DSTN: variants seen among roughly 807,000 people sequenced by gnomAD.
DSTN encodes destrin, actin depolymerizing factor, also known as destrin.
A neutral mutation model predicts 16.8 loss-of-function variants in DSTN; 10 were observed. The observed-to-expected ratio is 0.60, with a 90% CI of 0.37 to 1.01. DSTN has a LOEUF of 1.01. DSTN is among the 50% of genes least tolerant of loss of function. DSTN has a pLI of 0.01. For synonymous variants in DSTN, 57 were observed against 58.9 expected (o/e 0.97, Z 0.14); for missense variants, 141 against 196.7 (o/e 0.72, Z 1.69).
In DSTN at chr20:17,608,487, G is replaced by C. The variant is rs536751633; in HGVS notation, c.*1341G>C. On this transcript the variant is annotated 3_prime_UTR_variant, in exon 4 of 4. Transcript: ENST00000246069. ...CTACTAAAAATAAACAAAATTAGCC[G>C]GGTGTGGTGGTGCACGTCAGTAGTC... 1 of 151,948 alleles carries C rather than the reference G, an allele frequency of 6.6e-6. No homozygotes were observed. The highest frequency in any genetic ancestry group is 1.5e-5 in the Non-Finnish European group (1 of 68,008). The allele number at this position is 151,948 out of a possible 1,614,324, so 9.4% of individuals were successfully genotyped here.
chr20:17,585,428 A>G (rs1337764884), intron 1 of DSTN, among the ~76,000 whole-genome samples: 19 of 152,234 alleles, frequency 1.2e-4, no homozygotes, highest in Admixed American at 1.2e-3. Context: ...TTAACCATCC[A>G]GAGAGAACTA....
rs1466997257 is a variant in DSTN, at chr20:17,609,339, G to A, written c.*2193G>A. On this transcript the variant is annotated 3_prime_UTR_variant, in exon 4 of 4. Coordinates refer to ENST00000246069, the MANE Select transcript of DSTN (RefSeq NM_006870.4). The stretch of plus-strand genomic sequence containing the variant: ...CTGCCTTGGCCTCCTAAAGTGCTGT[G>A]ATTACAGGTGTGAGCCACTGTGTCC... 2 of 152,240 alleles carry A rather than the reference G, an allele frequency of 1.3e-5. No homozygotes were observed. Among genetic ancestry groups the A allele is most frequent in the Non-Finnish European group, 2.9e-5 (2 of 68,114 alleles). 9.4% of individuals were successfully genotyped at this position (152,240 alleles called of 1,614,324 possible). A position where few individuals can be genotyped will look rare whatever the true frequency, so the allele number is the denominator to read the frequency against.
chr20:17,573,837 G>A (rs1195219910), intron 1 of DSTN, among the ~76,000 whole-genome samples: 1 of 150,062 alleles, frequency 6.7e-6, no homozygotes, highest in African/African-American at 2.5e-5. Context: ...TGGCCATTCT[G>A]TAAATACTTA....
chr20:17,594,861 C>G (rs939242855), intron 1 of DSTN, among the ~76,000 whole-genome samples: 2 of 152,050 alleles, frequency 1.3e-5, no homozygotes, highest in Admixed American at 6.6e-5. Flanking sequence ...CCTTATGTGA[C>G]TAGGAGGGTG....
chr20:17,602,012 T>G (rs1393149590), intron 2 of DSTN, among the ~76,000 whole-genome samples: 1 of 151,982 alleles, frequency 6.6e-6, no homozygotes, highest in Non-Finnish European at 1.5e-5. Context: ...AGGGAGGGAC[T>G]TAGCTTTTAG....
At chr20:17,580,702 C>G (rs190285283) in intron 1 of DSTN, among the ~76,000 whole-genome samples, 1 of 151,106 alleles carries the variant, frequency 6.6e-6, no homozygotes, top group South Asian at 2.1e-4. Context: ...GAGCCGAGAT[C>G]GTGCCATTGC....
intron 1 of DSTN, among the ~76,000 whole-genome samples, chr20:17,574,870 G>GTTTTTTTTTTTTTTTT (rs533880691): frequency 1.2e-5 from 1 of 81,170 alleles, no homozygotes; most frequent in Non-Finnish European, 2.2e-5. Context: ...CTTTTCTTTT[G>GTTTTTTTTTTTTTTTT]TTTTTTTTTT....
chr20:17,591,971 C>G, intron 1 of DSTN: 1 of 985,440 alleles, frequency 1.0e-6, no homozygotes. Context: ...CGTAAGAGAG[C>G]TACCAGCGTA....
chr20:17,591,531 A>G (rs905768665), intron 1 of DSTN, among the ~76,000 whole-genome samples: 6 of 152,240 alleles, frequency 3.9e-5, no homozygotes, highest in African/African-American at 1.4e-4. Context: ...CTGTAGGCAA[A>G]GAAGCCCCTA....
chr20:17,602,170 T>G (rs1195875723), intron 2 of DSTN, among the ~76,000 whole-genome samples: 5 of 152,148 alleles, frequency 3.3e-5, no homozygotes, highest in African/African-American at 1.2e-4. Context: ...CAAGTTGCTG[T>G]GAGGAATGCA....
chr20:17,593,518 G>C (rs1032257872), intron 1 of DSTN, among the ~76,000 whole-genome samples: 2 of 152,136 alleles, frequency 1.3e-5, no homozygotes, highest in Non-Finnish European at 2.9e-5. Flanking sequence ...GGTGGTGTGT[G>C]GTGGAGATAC....
chr20:17,585,754 C>A (rs2035400377), intron 1 of DSTN, among the ~76,000 whole-genome samples: 1 of 152,070 alleles, frequency 6.6e-6, no homozygotes, highest in South Asian at 2.1e-4. Flanking sequence ...CCTCATTAAT[C>A]CCTCCTCCTA....
rs1279361020 is a variant in DSTN, at chr20:17,608,406, GA to G, written c.*1261del. The G allele has an allele frequency of 2.6e-5, 4 of 152,114 alleles. No homozygotes were observed. Among genetic ancestry groups the G allele is most frequent in the African/African-American group, 9.7e-5 (4 of 41,402 alleles). The allele number at this position is 152,114 out of a possible 1,614,324, so 9.4% of individuals were successfully genotyped here. ...GCATTTTGGGAGGCCGAGGCAAGAG[GA>G]TAGTTTGAGGCCAGGAGTTTGACAA... On this transcript the variant is annotated 3_prime_UTR_variant, in exon 4 of 4. Coordinates refer to ENST00000246069, the MANE Select transcript of DSTN (RefSeq NM_006870.4).
intron 1 of DSTN, among the ~76,000 whole-genome samples, chr20:17,594,490 A>G (rs572024207): frequency 6.6e-6 from 1 of 152,158 alleles, no homozygotes; most frequent in Non-Finnish European, 1.5e-5. Flanking sequence ...AAAAAGCTGT[A>G]TTTAGTGTAT....
At position 17,609,830 on chromosome 20, in the gene DSTN, A is replaced by G. The variant is rs1025796699; in HGVS notation, c.*2684A>G. Reference sequence around the variant, plus strand: ...TCACAAATGCTAACACACTGCAAAAATATGTTTGTGGAAAGCTGACTTAGT... The same window carrying G: ...TCACAAATGCTAACACACTGCAAAAGTATGTTTGTGGAAAGCTGACTTAGT... On this transcript the variant is annotated 3_prime_UTR_variant, in exon 4 of 4. Transcript: ENST00000246069. The G allele has an allele frequency of 5.8e-5, 8 of 137,210 alleles. No homozygotes were observed. The highest frequency in any genetic ancestry group is 1.5e-4 in the Admixed American group (2 of 13,218). The allele number at this position is 137,210 out of a possible 1,614,324, so 8.5% of individuals were successfully genotyped here.
In DSTN at chr20:17,600,810, C is replaced by A; in HGVS notation, c.76C>A (p.Pro26Thr). The change falls in exon 2 of 4, where the codon CCA becomes ACA. Residue 26 changes from proline to threonine, a missense_variant. Physicochemically the swap from Pro to Thr is conservative, Grantham distance 38 (BLOSUM62 -1). Coordinates refer to ENST00000246069, the MANE Select transcript of DSTN (RefSeq NM_006870.4). ...YDMKVRKCST[P>T]EEIKKRKKAV... The stretch of plus-strand genomic sequence containing the variant: ...CATGAAAGTTCGTAAATGCTCCACA[C>A]CAGAAGAAATCAAGAAAAGAAAGAA... 6.2e-7 allele frequency: 1 copy of A among 1,613,720 alleles called. No homozygotes were observed. Among genetic ancestry groups the A allele is most frequent in the South Asian group, 1.1e-5 (1 of 91,068 alleles).
intron 1 of DSTN, among the ~76,000 whole-genome samples, chr20:17,574,605 A>G (rs1403278398): frequency 1.3e-5 from 2 of 151,908 alleles, no homozygotes; most frequent in Non-Finnish European, 2.9e-5. Context: ...ACGTGCCTGT[A>G]ATCCCAGCTA....
intron 1 of DSTN, chr20:17,596,916 A>G (rs554767770): frequency 3.0e-6 from 2 of 671,040 alleles, no homozygotes; most frequent in African/African-American, 2.0e-5. Context: ...AATGTTTGAG[A>G]TGCTTAGATA....
chr20:17,600,222 G>A (rs1422607493), intron 1 of DSTN, among the ~76,000 whole-genome samples: 3 of 152,148 alleles, frequency 2.0e-5, no homozygotes, highest in African/African-American at 7.2e-5. Flanking sequence ...GACTAATACT[G>A]AATATTGATC....
Sources: allele counts gnomAD v4.1 joint callset (sites outside exome capture counted in the v4.1 genomes callset), GRCh38; gene constraint gnomAD v4.1.1; transcripts MANE v1.5; gene names NCBI Gene and HGNC (gene_info 2026-07-23, HGNC 2026-07-21).